The following DPP6 variants were observed in gnomAD, a reference collection of about 807,000 sequenced individuals.
The protein encoded by DPP6 is A-type potassium channel modulatory protein DPP6.
A neutral mutation model predicts 122.6 loss-of-function variants in DPP6; 69 were observed. That is an observed-to-expected ratio of 0.56 (90% confidence interval 0.46 to 0.69). The LOEUF (loss-of-function observed/expected upper bound fraction) is 0.69. Ranked by LOEUF, DPP6 falls within the 30% of genes least tolerant of loss-of-function variation. The pLI is 0.00. For synonymous variants in DPP6, 418 were observed against 433.1 expected (o/e 0.97, Z 0.43); for missense variants, 928 against 1,116.9 (o/e 0.83, Z 2.41).
intron 6 of DPP6, among the ~76,000 whole-genome samples, chr7:154,642,504 C>T (rs922881979): frequency 1.3e-5 from 2 of 152,018 alleles, no homozygotes; most frequent in African/African-American, 2.4e-5. Flanking sequence ...GCAGGAGAAT[C>T]GTTTGAACCC....
chr7:153,967,398 C>T (rs954190224), intron 1 of DPP6, among the ~76,000 whole-genome samples: 21 of 152,190 alleles, frequency 1.4e-4, no homozygotes, highest in African/African-American at 2.6e-4. Context: ...GAAAAGAGGC[C>T]GGAGCATGAA....
At chr7:154,322,429 T>C (rs1808054115) in intron 1 of DPP6, among the ~76,000 whole-genome samples, 1 of 152,046 alleles carries the variant, frequency 6.6e-6, no homozygotes, top group Admixed American at 6.6e-5. Context: ...GGCAAAAGAG[T>C]CAACTACCGA....
At chr7:154,459,734 T>C (rs1371561232) in intron 2 of DPP6, among the ~76,000 whole-genome samples, 1 of 147,254 alleles carries the variant, frequency 6.8e-6, no homozygotes, top group East Asian at 2.0e-4. Context: ...GGAGAATTGC[T>C]TGAATCCGGG....
At chr7:154,104,394 G>T (rs1805988096) in intron 1 of DPP6, among the ~76,000 whole-genome samples, 1 of 152,268 alleles carries the variant, frequency 6.6e-6, no homozygotes, top group Non-Finnish European at 1.5e-5. Flanking sequence ...TATGGCTGGG[G>T]AGGACTAATG....
chr7:154,118,011 G>C (rs1376946336), intron 1 of DPP6, among the ~76,000 whole-genome samples: 1 of 151,164 alleles, frequency 6.6e-6, no homozygotes, highest in African/African-American at 2.5e-5. Flanking sequence ...CTACAATCTG[G>C]TTGAGATTGA....
rs573690074 is a variant in DPP6 at position 153,949,095 on chromosome 7, C to A, written c.51+61361C>A. On this transcript the variant is annotated intron_variant, in intron 1 of 25. Transcript: ENST00000404039. ...TATGACACAGTGCGGTCCTGAGACTCCTCCTGCAGGCAGCTGGGGTGGTCT... is the reference window on the plus strand; with the variant it reads ...TATGACACAGTGCGGTCCTGAGACTACTCCTGCAGGCAGCTGGGGTGGTCT... Among the ~76,000 whole-genome samples the A allele has an allele frequency of 9.8e-5, 15 of 152,340 alleles. 1 individual carries two copies. The Middle Eastern group carries it at 0.01, about 104-fold the overall frequency.
chr7:153,966,168 G>C (rs1266611464), intron 1 of DPP6, among the ~76,000 whole-genome samples: 75 of 129,568 alleles, frequency 5.8e-4, no homozygotes, highest in African/African-American at 2.1e-3. Flanking sequence ...AAGCTTCTCA[G>C]TTGTTGGAGA....
intron 7 of DPP6, among the ~76,000 whole-genome samples, chr7:154,710,991 A>G (rs1459092201): frequency 1.3e-5 from 2 of 152,250 alleles, no homozygotes; most frequent in Non-Finnish European, 2.9e-5. Context: ...AAATGTCAGT[A>G]AATGGTTCCT....
chr7:154,134,930 C>A (rs1488092330), intron 1 of DPP6, among the ~76,000 whole-genome samples: 2 of 152,176 alleles, frequency 1.3e-5, no homozygotes, highest in African/African-American at 4.8e-5. Flanking sequence ...GCTCTCACTT[C>A]CTGTGAACCC....
At chr7:154,454,959 CTG>C (rs1050590038) in intron 2 of DPP6, among the ~76,000 whole-genome samples, 6 of 152,146 alleles carry the variant, frequency 3.9e-5, no homozygotes, top group African/African-American at 1.4e-4. Context: ...CCAACTAAAA[CTG>C]TTCCAATTGC....
Position 154,875,889 on chromosome 7 carries a change from C to G in DPP6, c.1884-17C>G, listed in dbSNP as rs920036536. On this transcript the variant is annotated splice_polypyrimidine_tract_variant and intron_variant, in intron 19 of 25. Transcript: ENST00000377770. The surrounding 1 kb of genome is among the most constrained non-coding windows in gnomAD (Gnocchi z 4.5). ...CACCACGCAGCAGGCCTGCTGAGCCCGGGATTCTCTTTCCAGGGATGGCAC... is the reference window on the plus strand; with the variant it reads ...CACCACGCAGCAGGCCTGCTGAGCCGGGGATTCTCTTTCCAGGGATGGCAC... 3 of 1,598,260 alleles carry G rather than the reference C, an allele frequency of 1.9e-6. No homozygotes were observed. The highest frequency in any genetic ancestry group is 2.7e-5 in the African/African-American group (2 of 74,508).
intron 1 of DPP6, among the ~76,000 whole-genome samples, chr7:153,945,813 GT>G (rs1457258256): frequency 6.6e-6 from 1 of 152,192 alleles, no homozygotes; most frequent in East Asian, 1.9e-4. Flanking sequence ...GTGGCCTTGG[GT>G]TATCCTTGTC....
At chr7:154,278,348 G>A (rs1210789948) in intron 1 of DPP6, among the ~76,000 whole-genome samples, 1 of 152,168 alleles carries the variant, frequency 6.6e-6, no homozygotes. Context: ...ATTTGCTGTT[G>A]GTTCACATGC....
intron 6 of DPP6, among the ~76,000 whole-genome samples, 197 bp downstream of exon 6, chr7:154,638,070 T>A (rs1330659285): frequency 6.6e-6 from 1 of 152,136 alleles, no homozygotes; most frequent in East Asian, 1.9e-4. Flanking sequence ...TTGAGTCCAC[T>A]CACTTCCCCA....
intron 1 of DPP6, among the ~76,000 whole-genome samples, chr7:153,972,081 G>C (rs1796047752): frequency 2.0e-5 from 3 of 151,126 alleles, no homozygotes. Context: ...AGTAAATCTA[G>C]TCCCTGTTAT....
At chr7:154,801,726 G>T (rs562076469) in intron 13 of DPP6, among the ~76,000 whole-genome samples, 1 of 152,238 alleles carries the variant, frequency 6.6e-6, no homozygotes. Context: ...CCCCTGTTCA[G>T]TGTAAGGCCA....
rs140888321 is a variant in DPP6 at position 154,183,563 on chromosome 7, A to T, written c.243+130500A>T. ...TGCAAAATGCTGCGCAGAGAGCCTC[A>T]GCATTCACTAGGGCGTCTTCCTTCC... On this transcript the variant is annotated intron_variant, in intron 1 of 25. Transcript: ENST00000377770. Among the ~76,000 whole-genome samples, 684 of 152,258 alleles carry T rather than the reference A, an allele frequency of 4.5e-3. 4 individuals are homozygous for T. Among genetic ancestry groups the T allele is most frequent in the African/African-American group, 0.016 (663 of 41,550 alleles).
intron 1 of DPP6, among the ~76,000 whole-genome samples, chr7:154,357,743 ACCAGCCTGG>A (rs1468838968): frequency 1.3e-5 from 2 of 152,014 alleles, no homozygotes; most frequent in African/African-American, 4.8e-5. Flanking sequence ...GGAGTTTGAG[ACCAGCCTGG>A]CCAACATGGT....
At chr7:153,995,172 C>T (rs1044817369) in intron 1 of DPP6, among the ~76,000 whole-genome samples, 5 of 152,090 alleles carry the variant, frequency 3.3e-5, no homozygotes, top group Non-Finnish European at 5.9e-5. Flanking sequence ...ATAGCCATGG[C>T]AAGGAGGGAA....
Sources: allele counts gnomAD v4.1 joint callset (sites outside exome capture counted in the v4.1 genomes callset), GRCh38; gene constraint gnomAD v4.1.1; non-coding constraint Gnocchi (gnomAD v3.1); transcripts MANE v1.5; gene names NCBI Gene and HGNC (gene_info 2026-07-23, HGNC 2026-07-21).